Variants in ARHGAP40 observed in about 807,000 individuals in gnomAD.
ARHGAP40 encodes the protein Rho GTPase activating protein 40.
Under a neutral mutation model 73.5 loss-of-function variants are expected in ARHGAP40, and 43 were observed. The observed-to-expected ratio is 0.58, with a 90% CI of 0.46 to 0.75. The LOEUF (loss-of-function observed/expected upper bound fraction) is 0.75. ARHGAP40 is among the 30% of genes least tolerant of loss of function. The pLI is 0.00. For synonymous variants in ARHGAP40, 300 were observed against 352.8 expected (o/e 0.85, Z 1.68); for missense variants, 734 against 861.8 (o/e 0.85, Z 1.86).
intron 6 of ARHGAP40, among the ~76,000 whole-genome samples, chr20:38,635,944 G>A (rs1427485314): frequency 6.6e-6 from 1 of 151,562 alleles, no homozygotes; most frequent in Non-Finnish European, 1.5e-5. Flanking sequence ...CTGAGTGTAG[G>A]TCTGCTCACA....
chr20:38,614,320 C>T (rs1392719365), intron 1 of ARHGAP40, among the ~76,000 whole-genome samples: 9 of 152,218 alleles, frequency 5.9e-5, no homozygotes, highest in Non-Finnish European at 7.3e-5. Context: ...CGTACCCATA[C>T]ACACATGGCT....
intron 3 of ARHGAP40, 135 bp from the exon 4 acceptor site, chr20:38,628,792 A>G: frequency 5.5e-6 from 3 of 545,204 alleles, no homozygotes; most frequent in Non-Finnish European, 8.8e-6. Flanking sequence ...GACTTTGGGC[A>G]AGTAACTCAG....
At chr20:38,637,106 G>A (rs2088979582) in intron 6 of ARHGAP40, among the ~76,000 whole-genome samples, 1 of 151,960 alleles carries the variant, frequency 6.6e-6, no homozygotes, top group African/African-American at 2.4e-5. Flanking sequence ...TTTTATACCT[G>A]GTGCCTTCTG....
chr20:38,647,367 T>A, intron 13 of ARHGAP40, among the ~76,000 whole-genome samples: 1 of 119,754 alleles, frequency 8.4e-6, no homozygotes, highest in African/African-American at 3.6e-5. Flanking sequence ...CCAGGCACCA[T>A]GTTTTTCTGT....
At chr20:38,609,897 G>T (rs1042875548) in intron 1 of ARHGAP40, among the ~76,000 whole-genome samples, 1 of 152,240 alleles carries the variant, frequency 6.6e-6, no homozygotes, top group African/African-American at 2.4e-5. Flanking sequence ...CTGAAGGTAG[G>T]ATGACAATCT....
rs542492481 is a variant in ARHGAP40, at chr20:38,646,253, G to A, written c.1710+66G>A. On this transcript the variant is annotated intron_variant, in intron 12 of 14. Coordinates refer to ENST00000373345, the Ensembl canonical transcript of ARHGAP40. This position sits in a 1 kb window ranked among gnomAD's most constrained non-coding sequence, Gnocchi z 4.5. ...GCGACAGGAGGGCACCTGGGGCGCG[G>A]TGCTTCCCTTCCTCCAGGTCCCCGC... 18 of 1,227,032 alleles carry A rather than the reference G, an allele frequency of 1.5e-5. No homozygotes were observed. The East Asian group carries it at 1.1e-3, about 76-fold the overall frequency. 76.0% of individuals were successfully genotyped at this position (1,227,032 alleles called of 1,614,324 possible).
At chr20:38,614,921 C>A in intron 1 of ARHGAP40, 1 of 1,368,428 alleles carries the variant, frequency 7.3e-7, no homozygotes, top group Non-Finnish European at 1.0e-6. Flanking sequence ...CTCTAGAAGT[C>A]CTGAGACTGA....
intron 1 of ARHGAP40, among the ~76,000 whole-genome samples, chr20:38,604,234 T>C (rs1601130075): frequency 1.3e-5 from 2 of 152,196 alleles, no homozygotes; most frequent in African/African-American, 4.8e-5. Flanking sequence ...AGGCAATTAA[T>C]ATTGAATTCA....
At chr20:38,650,326 G>C in exon 15 of ARHGAP40, 1 of 471,158 alleles carries the variant, frequency 2.1e-6, no homozygotes, top group African/African-American at 2.0e-5. Context: ...AGGTAGTTGG[G>C]GTCTTTTCCC....
At chr20:38,604,507 TGCCTTA>T in intron 1 of ARHGAP40, among the ~76,000 whole-genome samples, 1 of 151,062 alleles carries the variant, frequency 6.6e-6, no homozygotes, top group East Asian at 2.0e-4. Flanking sequence ...GTGATTCTCC[TGCCTTA>T]GCCTCTTGAG....
chr20:38,601,995 G>A, exon 1 of ARHGAP40: 4 of 1,287,910 alleles, frequency 3.1e-6, no homozygotes, highest in Non-Finnish European at 4.0e-6. Context: ...CTGGCCCCAG[G>A]GCCCCTAGCC....
In ARHGAP40 at chr20:38,645,972, T is replaced by A. The variant is rs981296172; in HGVS notation, c.1570-75T>A. The A allele has an allele frequency of 1.4e-5, 17 of 1,190,672 alleles. No individual in the cohort carries two copies. In the African/African-American group the frequency reaches 2.7e-4, roughly 19 times the overall value. The allele number at this position is 1,190,672 out of a possible 1,614,324, so 73.8% of individuals were successfully genotyped here. ...CGCTGGGCCAGGGAAGAGGCCACGA[T>A]GACCCTGGAGAGGGCTCTGCCTCTC... On this transcript the variant is annotated intron_variant, in intron 11 of 14. Coordinates refer to ENST00000373345, the Ensembl canonical transcript of ARHGAP40.
intron 2 of ARHGAP40, 22 bp downstream of exon 2, chr20:38,623,580 C>G (rs1034363245): frequency 2.8e-5 from 36 of 1,270,250 alleles, no homozygotes; most frequent in Non-Finnish European, 3.6e-5. Context: ...TGGCGGGGGC[C>G]TATAGGGGTG....
chr20:38,604,465 G>A (rs1457879400), intron 1 of ARHGAP40, among the ~76,000 whole-genome samples: 3 of 148,434 alleles, frequency 2.0e-5, no homozygotes, highest in Non-Finnish European at 1.5e-5. Context: ...GCACGATCTC[G>A]GCTCACTGCA....
exon 15 of ARHGAP40, chr20:38,650,022 C>A: frequency 2.5e-6 from 1 of 398,542 alleles, no homozygotes; most frequent in Non-Finnish European, 4.7e-6. Flanking sequence ...AGGGGTGGTG[C>A]TCTCTCCACT....
At chr20:38,649,542 C>T (rs947594028) in intron 14 of ARHGAP40, among the ~76,000 whole-genome samples, 1 of 148,566 alleles carries the variant, frequency 6.7e-6, no homozygotes, top group African/African-American at 2.4e-5. Flanking sequence ...AGTCATCGAC[C>T]GTGGGCTTCC....
intron 6 of ARHGAP40, 75 bp from the exon 7 acceptor site, chr20:38,637,633 A>T (rs1271343655): frequency 1.7e-6 from 2 of 1,164,974 alleles, no homozygotes; most frequent in African/African-American, 3.2e-5. Flanking sequence ...CTAGTTGCCC[A>T]GGAGATCCTG....
chr20:38,627,298 T>G, intron 3 of ARHGAP40, 83 bp downstream of exon 3: 1 of 1,204,014 alleles, frequency 8.3e-7, no homozygotes, highest in Non-Finnish European at 1.1e-6. Flanking sequence ...GCAGTGATCC[T>G]GCTGAAGGGC....
At chr20:38,641,856 C>A (rs367976805) in intron 10 of ARHGAP40, 48 bp downstream of exon 10, 12 of 1,211,642 alleles carry the variant, frequency 9.9e-6, no homozygotes, top group African/African-American at 3.2e-5. Flanking sequence ...CAGCCCACAG[C>A]CACAGCCATG....
Sources: gnomAD v4.1 joint callset for allele counts (sites outside exome capture counted in the v4.1 genomes callset) on GRCh38, gnomAD v4.1.1 for gene constraint, Gnocchi (gnomAD v3.1) non-coding constraint, MANE v1.5 for transcripts, NCBI Gene and HGNC (gene_info 2026-07-23, HGNC 2026-07-21) for gene names.